CDKAL1: variants seen among roughly 807,000 people sequenced by gnomAD.
The protein encoded by CDKAL1 is CDKAL1 threonylcarbamoyladenosine tRNA methylthiotransferase.
CDKAL1 carries 32 observed loss-of-function variants against 68.2 expected under a neutral mutation model. That is an observed-to-expected ratio of 0.47 (90% CI 0.35 to 0.63). The LOEUF is 0.63. CDKAL1 is among the 30% of genes least tolerant of loss of function. The probability of loss-of-function intolerance (pLI) is 0.00; values close to 1 mark genes in which losing one functional copy is unlikely to be tolerated. For missense variants in CDKAL1, 606 were observed against 696.7 expected (o/e 0.87, Z 1.47); for synonymous variants, 234 against 244.3 (o/e 0.96, Z 0.39).
At chr6:21,013,260 A>G (rs1038322474) in intron 11 of CDKAL1, among the ~76,000 whole-genome samples, 4 of 152,212 alleles carry the variant, frequency 2.6e-5, no homozygotes, top group South Asian at 4.2e-4. Context: ...TCACAAGGAG[A>G]GTGGTTTTCT....
rs113974652 is a variant in CDKAL1, at chr6:21,214,591, T to C, written c.1548+13317T>C. ...CTGGTACATACTTCATTCAGGTCTCTGCTGAAGCACCAGCTTATCAGTGAG... is the reference window on the plus strand; with the variant it reads ...CTGGTACATACTTCATTCAGGTCTCCGCTGAAGCACCAGCTTATCAGTGAG... On this transcript the variant is annotated intron_variant, in intron 15 of 15. Coordinates refer to ENST00000274695, the MANE Select transcript of CDKAL1 (RefSeq NM_017774.3). 6.6e-3 allele frequency among the ~76,000 whole-genome samples: 1,000 copies of C among 152,200 alleles called. 12 individuals are homozygous for C. The highest frequency in any genetic ancestry group is 0.023 in the African/African-American group (942 of 41,522).
intron 8 of CDKAL1, among the ~76,000 whole-genome samples, chr6:20,812,994 C>T (rs1476588188): frequency 1.3e-5 from 2 of 152,122 alleles, no homozygotes; most frequent in Non-Finnish European, 2.9e-5. Flanking sequence ...TATGTTCTGT[C>T]AATATTAGCC....
chr6:21,025,744 G>T (rs1768918229), intron 11 of CDKAL1, among the ~76,000 whole-genome samples: 1 of 152,068 alleles, frequency 6.6e-6, no homozygotes, highest in South Asian at 2.1e-4. Context: ...TAGCTGTAAA[G>T]AAGTTTATCA....
chr6:21,230,110 G>A (rs540887091), intron 15 of CDKAL1, among the ~76,000 whole-genome samples: 2 of 152,320 alleles, frequency 1.3e-5, no homozygotes, highest in South Asian at 2.1e-4. Context: ...GACCAGCTGG[G>A]AATCTTTGTC....
intron 4 of CDKAL1, among the ~76,000 whole-genome samples, chr6:20,602,541 C>T (rs768693933): frequency 1.3e-5 from 2 of 152,044 alleles, no homozygotes; most frequent in Non-Finnish European, 2.9e-5. Flanking sequence ...TAGGCTTTTA[C>T]GTCGTGGTTA....
At chr6:21,114,908 T>A (rs1025006381) in intron 13 of CDKAL1, among the ~76,000 whole-genome samples, 5 of 152,252 alleles carry the variant, frequency 3.3e-5, no homozygotes, top group Admixed American at 2.6e-4. Flanking sequence ...CCTTAAGAAC[T>A]GTTGTTAATT....
intron 7 of CDKAL1, among the ~76,000 whole-genome samples, chr6:20,771,853 C>G (rs1415629433): frequency 6.6e-6 from 1 of 152,148 alleles, no homozygotes; most frequent in Non-Finnish European, 1.5e-5. Context: ...CTTCCTGAGG[C>G]CTTACTAGAA....
intron 5 of CDKAL1, among the ~76,000 whole-genome samples, chr6:20,713,141 A>G (rs887208871): frequency 6.6e-6 from 1 of 152,226 alleles, no homozygotes; most frequent in African/African-American, 2.4e-5. Flanking sequence ...AGCACAGGTA[A>G]GAGACTTTAC....
chr6:20,797,988 G>A (rs10456236), intron 8 of CDKAL1, among the ~76,000 whole-genome samples: 18,458 of 151,132 alleles, frequency 0.12, 1,291 homozygotes, highest in African/African-American at 0.19. Context: ...GGCTATTTTT[G>A]TATTTTTTGT....
At chr6:20,589,299 A>G (rs1055919832) in intron 4 of CDKAL1, among the ~76,000 whole-genome samples, 2 of 152,192 alleles carry the variant, frequency 1.3e-5, no homozygotes, top group Admixed American at 6.5e-5. Context: ...CAGTGTTAGT[A>G]AAAACACTAG....
intron 9 of CDKAL1, among the ~76,000 whole-genome samples, chr6:20,890,178 G>A (rs1284414990): frequency 6.6e-6 from 1 of 152,178 alleles, no homozygotes; most frequent in African/African-American, 2.4e-5. Context: ...TATGTTTATG[G>A]GACTGTTAGC....
chr6:20,815,191 A>G (rs1172548616), intron 8 of CDKAL1, among the ~76,000 whole-genome samples: 2 of 152,196 alleles, frequency 1.3e-5, no homozygotes, highest in Non-Finnish European at 2.9e-5. Flanking sequence ...TTGCATTGGT[A>G]TTCTTGAGAA....
chr6:20,907,321 C>T (rs1372457899), intron 9 of CDKAL1, among the ~76,000 whole-genome samples: 2 of 152,110 alleles, frequency 1.3e-5, no homozygotes, highest in African/African-American at 4.8e-5. Flanking sequence ...ACTTGGGAGA[C>T]TGAGGCAGGA....
At chr6:21,187,925 A>G (rs772145995) in intron 13 of CDKAL1, among the ~76,000 whole-genome samples, 1 of 152,070 alleles carries the variant, frequency 6.6e-6, no homozygotes, top group Non-Finnish European at 1.5e-5. Flanking sequence ...AGTTTCATAC[A>G]TATTTTTGCC....
chr6:20,746,513 G>C (rs751932951), intron 6 of CDKAL1, among the ~76,000 whole-genome samples: 4 of 152,148 alleles, frequency 2.6e-5, no homozygotes, highest in African/African-American at 4.8e-5. Flanking sequence ...ACTGCTGTCA[G>C]CTTCCCCACA....
At chr6:20,948,575 C>A (rs1458304806) in intron 9 of CDKAL1, among the ~76,000 whole-genome samples, 1 of 152,192 alleles carries the variant, frequency 6.6e-6, no homozygotes, top group Non-Finnish European at 1.5e-5. Context: ...TTGCAGGCAT[C>A]TAATGATTTT....
intron 9 of CDKAL1, among the ~76,000 whole-genome samples, chr6:20,938,790 T>C (rs188776641): frequency 1.4e-4 from 22 of 152,220 alleles, no homozygotes; most frequent in Admixed American, 7.8e-4. Context: ...TGAATATATA[T>C]AGGTATTTTC....
intron 5 of CDKAL1, among the ~76,000 whole-genome samples, chr6:20,668,174 A>G (rs1263303675): frequency 6.6e-6 from 1 of 151,904 alleles, no homozygotes; most frequent in African/African-American, 2.4e-5. Flanking sequence ...CATTCTTTAT[A>G]GATTCATAGA....
At chr6:21,129,100 G>A (rs573144961) in intron 13 of CDKAL1, among the ~76,000 whole-genome samples, 2 of 152,318 alleles carry the variant, frequency 1.3e-5, no homozygotes, top group East Asian at 1.9e-4. Context: ...ACAAGAGAAT[G>A]TATGTTGAAG....
Sources: allele counts gnomAD v4.1 joint callset (sites outside exome capture counted in the v4.1 genomes callset), GRCh38; gene constraint gnomAD v4.1.1; transcripts MANE v1.5; gene names NCBI Gene and HGNC (gene_info 2026-07-23, HGNC 2026-07-21).